Variants in ADORA2B observed in about 807,000 individuals in gnomAD.
ADORA2B encodes the protein adenosine receptor A2b.
In ADORA2B, 18 loss-of-function variants were observed where a neutral mutation model predicts 20.8. The ratio of observed to expected loss-of-function variants is 0.87; its 90% CI spans 0.60 to 1.29. The LOEUF (loss-of-function observed/expected upper bound fraction) is 1.29. Among genes scored for constraint, ADORA2B ranks in the 50% most tolerant of loss-of-function variants. ADORA2B has a pLI of 0.00. For synonymous variants in ADORA2B, 179 were observed against 178.3 expected (o/e 1.00, Z -0.03); for missense variants, 441 against 422.7 (o/e 1.04, Z -0.38).
chr17:15,973,196 G>A (rs1970208918), intron 1 of ADORA2B, among the ~76,000 whole-genome samples: 1 of 152,152 alleles, frequency 6.6e-6, no homozygotes, highest in Admixed American at 6.5e-5. Context: ...ATCCTTGCCT[G>A]GAGCCACAGG....
the ADORA2B span, among the ~76,000 whole-genome samples, chr17:15,909,750 C>T: frequency 2.0e-4 from 30 of 152,326 alleles, no homozygotes; most frequent in African/African-American, 7.2e-4. Flanking sequence ...AACAGTATTT[C>T]GGCTCTGGAC....
chr17:15,854,379 A>G, the ADORA2B span, among the ~76,000 whole-genome samples: 1 of 152,268 alleles, frequency 6.6e-6, no homozygotes, highest in African/African-American at 2.4e-5. Context: ...AAGTATAGTC[A>G]TCTTAGTAGA....
At chr17:15,948,141 C>G (rs1969835063) in intron 1 of ADORA2B, among the ~76,000 whole-genome samples, 1 of 152,130 alleles carries the variant, frequency 6.6e-6, no homozygotes, top group Non-Finnish European at 1.5e-5. Flanking sequence ...GACCTACCCC[C>G]AGTTCCTCCC....
the ADORA2B span, among the ~76,000 whole-genome samples, chr17:15,922,419 T>C: frequency 6.6e-6 from 1 of 152,252 alleles, no homozygotes; most frequent in African/African-American, 2.4e-5. Flanking sequence ...ATTCTTTTTT[T>C]CTGCTGCATG....
At chr17:15,925,316 G>A in the ADORA2B span, among the ~76,000 whole-genome samples, 9 of 152,148 alleles carry the variant, frequency 5.9e-5, no homozygotes, top group South Asian at 6.2e-4. Context: ...AATTACAGGC[G>A]TGAGCCACCG....
chr17:15,881,846 C>T, the ADORA2B span, among the ~76,000 whole-genome samples: 5 of 152,208 alleles, frequency 3.3e-5, no homozygotes, highest in African/African-American at 4.8e-5. Flanking sequence ...TTGTGTCTTC[C>T]AGAAACACAG....
At chr17:15,853,505 A>G in the ADORA2B span, among the ~76,000 whole-genome samples, 1 of 152,234 alleles carries the variant, frequency 6.6e-6, no homozygotes. Flanking sequence ...CATAATTATG[A>G]AAACAGTGAT....
At chr17:15,945,635 G>T in intron 1 of ADORA2B, 52 bp downstream of exon 1, 1 of 1,415,500 alleles carries the variant, frequency 7.1e-7, no homozygotes, top group Non-Finnish European at 9.3e-7. Flanking sequence ...GCTCCGAAAT[G>T]GGTCGTCTTC....
chr17:15,882,276 G>C, the ADORA2B span, among the ~76,000 whole-genome samples: 1 of 152,128 alleles, frequency 6.6e-6, no homozygotes, highest in African/African-American at 2.4e-5. Context: ...GCTGAGAGGA[G>C]CATCTAGGAA....
chr17:15,858,160 T>C, the ADORA2B span, among the ~76,000 whole-genome samples: 1 of 152,138 alleles, frequency 6.6e-6, no homozygotes, highest in Non-Finnish European at 1.5e-5. Context: ...AGTTCTATTG[T>C]TATGTTTTTG....
chr17:15,909,555 A>G, the ADORA2B span, among the ~76,000 whole-genome samples: 1 of 144,798 alleles, frequency 6.9e-6, no homozygotes, highest in Non-Finnish European at 1.5e-5. Context: ...CTTTCATGCT[A>G]AGGAACTCAC....
At chr17:15,972,114 C>T (rs1970195079) in intron 1 of ADORA2B, among the ~76,000 whole-genome samples, 1 of 152,070 alleles carries the variant, frequency 6.6e-6, no homozygotes, top group Non-Finnish European at 1.5e-5. Flanking sequence ...TGGGAGTGGC[C>T]ACCTCTACCT....
chr17:15,950,082 A>G (rs75082014), intron 1 of ADORA2B, among the ~76,000 whole-genome samples: 3,728 of 152,296 alleles, frequency 0.024, 159 homozygotes, highest in African/African-American at 0.085. Flanking sequence ...CAAAACAAAA[A>G]ACAACCAACC....
the ADORA2B span, among the ~76,000 whole-genome samples, chr17:15,885,144 T>G: frequency 1.3e-5 from 2 of 152,206 alleles, no homozygotes; most frequent in Admixed American, 1.3e-4. Context: ...CTCATTTTGG[T>G]TTTTATTTGC....
rs528855388 is a variant in ADORA2B, at chr17:15,958,749, C to T, written c.335+13166C>T. On this transcript the variant is annotated intron_variant, in intron 1 of 1. Transcript: ENST00000304222. ...TTGCCTGCTGATTCTTCCCCATTTT[C>T]TCTGTGCCCCTGAAAATGACACTCC... is the stretch of plus-strand genomic sequence containing the variant. Among the ~76,000 whole-genome samples the T allele has an allele frequency of 5.1e-4, 78 of 152,312 alleles. 1 individual carries two copies. Among genetic ancestry groups the T allele is most frequent in the African/African-American group, 1.8e-3 (73 of 41,568 alleles).
the ADORA2B span, among the ~76,000 whole-genome samples, chr17:15,934,315 G>A: frequency 2.0e-5 from 3 of 152,092 alleles, no homozygotes; most frequent in South Asian, 6.2e-4. Flanking sequence ...TGCAGCCTCT[G>A]CCTCCTGAGT....
At chr17:15,866,678 T>C in the ADORA2B span, among the ~76,000 whole-genome samples, 1 of 148,016 alleles carries the variant, frequency 6.8e-6, no homozygotes, top group African/African-American at 2.4e-5. Context: ...TTTCTTCTTT[T>C]GGCTCTCCCT....
At chr17:15,963,820 T>C (rs1017035333) in intron 1 of ADORA2B, among the ~76,000 whole-genome samples, 2 of 152,214 alleles carry the variant, frequency 1.3e-5, no homozygotes, top group African/African-American at 4.8e-5. Context: ...GCAACCTGCA[T>C]TGCTCATCTT....
At chr17:15,969,739 T>C (rs1462831453) in intron 1 of ADORA2B, among the ~76,000 whole-genome samples, 1 of 152,258 alleles carries the variant, frequency 6.6e-6, no homozygotes, top group Non-Finnish European at 1.5e-5. Flanking sequence ...AAGCCGACGT[T>C]GTCTCGAGTC....
Sources: gnomAD v4.1 joint callset for allele counts (sites outside exome capture counted in the v4.1 genomes callset) on GRCh38, gnomAD v4.1.1 for gene constraint, MANE v1.5 for transcripts, NCBI Gene and HGNC (gene_info 2026-07-23, HGNC 2026-07-21) for gene names.